PALM2AKAP2: variants seen among roughly 807,000 people sequenced by gnomAD.
PALM2AKAP2 encodes PALM2-AKAP2 fusion protein.
Under a neutral mutation model 71.5 loss-of-function variants are expected in PALM2AKAP2, and 37 were observed. The ratio of observed to expected loss-of-function variants is 0.52; its 90% CI spans 0.40 to 0.68. PALM2AKAP2 has a LOEUF of 0.68. Ranked by LOEUF, PALM2AKAP2 falls within the 30% of genes least tolerant of loss-of-function variation. The pLI is 0.00. For missense variants in PALM2AKAP2, 1,224 were observed against 1,191.8 expected (o/e 1.03, Z -0.40); for synonymous variants, 468 against 478.8 (o/e 0.98, Z 0.29).
In PALM2AKAP2 at chr9:109,998,529, C is replaced by T. The variant is rs188749093; in HGVS notation, c.497-17425C>T. On this transcript the variant is annotated intron_variant, in intron 6 of 9. Transcript: ENST00000302798. ...CGTGGAGGGCGCCTCACCATGTCCTCTCCATAAGCCAGGCTACATAGGTCA... is the reference window on the plus strand; with the variant it reads ...CGTGGAGGGCGCCTCACCATGTCCTTTCCATAAGCCAGGCTACATAGGTCA... 2.2e-3 allele frequency among the ~76,000 whole-genome samples: 327 copies of T among 151,534 alleles called. 1 individual carries two copies. The highest frequency in any genetic ancestry group is 2.7e-3 in the Non-Finnish European group (185 of 67,972).
chr9:110,114,359 G>A (rs1170603748), intron 1 of PALM2AKAP2, among the ~76,000 whole-genome samples: 1 of 152,108 alleles, frequency 6.6e-6, no homozygotes, highest in Non-Finnish European at 1.5e-5. Context: ...TGGATTTGGG[G>A]CCCACTCTCA....
At chr9:109,968,626 C>A (rs1357599465) in intron 6 of PALM2AKAP2, among the ~76,000 whole-genome samples, 1 of 152,152 alleles carries the variant, frequency 6.6e-6, no homozygotes, top group Non-Finnish European at 1.5e-5. Flanking sequence ...TTTGTGTTAG[C>A]CTTCAGCATC....
chr9:110,024,933 T>C (rs1292189096), intron 7 of PALM2AKAP2: 8 of 1,379,036 alleles, frequency 5.8e-6, no homozygotes, highest in African/African-American at 2.9e-5. Flanking sequence ...CTCCTTCCCA[T>C]TGGTTCTCAC....
chr9:109,732,614 A>G (rs1436885551), intron 1 of PALM2AKAP2, among the ~76,000 whole-genome samples: 4 of 152,232 alleles, frequency 2.6e-5, no homozygotes, highest in African/African-American at 4.8e-5. Context: ...TGAACAAGGC[A>G]GACAAAGACC....
chr9:109,651,792 T>C (rs1827228559), intron 1 of PALM2AKAP2, among the ~76,000 whole-genome samples: 1 of 152,204 alleles, frequency 6.6e-6, no homozygotes, highest in African/African-American at 2.4e-5. Flanking sequence ...ATATAACTTA[T>C]AATAAAAATT....
At chr9:109,661,444 T>C (rs1827394447) in intron 1 of PALM2AKAP2, among the ~76,000 whole-genome samples, 1 of 152,232 alleles carries the variant, frequency 6.6e-6, no homozygotes, top group African/African-American at 2.4e-5. Context: ...TGCTTGTTTT[T>C]GTCAGGTTTG....
chr9:110,116,238 G>C (rs942299315), intron 1 of PALM2AKAP2, among the ~76,000 whole-genome samples: 1 of 152,176 alleles, frequency 6.6e-6, no homozygotes, highest in Non-Finnish European at 1.5e-5. Flanking sequence ...ATTAATAAGA[G>C]ATATGGTGCT....
intron 1 of PALM2AKAP2, among the ~76,000 whole-genome samples, chr9:110,129,368 C>T (rs1588125144): frequency 6.6e-6 from 1 of 152,332 alleles, no homozygotes; most frequent in East Asian, 1.9e-4. Context: ...CTTACCATTT[C>T]CCATGTCATT....
At chr9:109,696,892 A>G (rs952993167) in intron 1 of PALM2AKAP2, among the ~76,000 whole-genome samples, 19 of 152,302 alleles carry the variant, frequency 1.2e-4, no homozygotes, top group African/African-American at 4.1e-4. Context: ...TCTATTGTAT[A>G]TTGTGGTACA....
At chr9:110,007,051 T>C (rs1332936432) in intron 6 of PALM2AKAP2, among the ~76,000 whole-genome samples, 1 of 152,134 alleles carries the variant, frequency 6.6e-6, no homozygotes, top group Non-Finnish European at 1.5e-5. Flanking sequence ...GGGTAGGGGG[T>C]GCTTTGGGGA....
At chr9:109,977,394 G>A (rs1434544995) in intron 6 of PALM2AKAP2, among the ~76,000 whole-genome samples, 1 of 152,178 alleles carries the variant, frequency 6.6e-6, no homozygotes, top group Non-Finnish European at 1.5e-5. Flanking sequence ...TTCTGTTCAT[G>A]TGGGCTTTAA....
chr9:109,813,757 C>G (rs548962869), intron 1 of PALM2AKAP2, among the ~76,000 whole-genome samples: 1 of 152,292 alleles, frequency 6.6e-6, no homozygotes, highest in Non-Finnish European at 1.5e-5. Context: ...AACTAAGAGC[C>G]TAACTCGTGT....
intron 1 of PALM2AKAP2, among the ~76,000 whole-genome samples, chr9:109,728,648 T>A (rs1828510204): frequency 6.6e-6 from 1 of 152,352 alleles, no homozygotes; most frequent in African/African-American, 2.4e-5. Flanking sequence ...AAACTTGTTT[T>A]ATTTAATGTT....
intron 1 of PALM2AKAP2, among the ~76,000 whole-genome samples, chr9:110,099,781 A>G (rs1176197065): frequency 6.6e-6 from 1 of 152,010 alleles, no homozygotes. Context: ...TAATAATCAT[A>G]GTCAGTTTGC....
intron 1 of PALM2AKAP2, among the ~76,000 whole-genome samples, chr9:109,673,470 G>A (rs893782566): frequency 5.9e-5 from 9 of 152,072 alleles, no homozygotes; most frequent in Non-Finnish European, 1.2e-4. Context: ...CTGAGAGACT[G>A]TTACGATTTC....
chr9:109,801,275 T>C (rs561276483), intron 1 of PALM2AKAP2, among the ~76,000 whole-genome samples: 1 of 152,110 alleles, frequency 6.6e-6, no homozygotes, highest in Admixed American at 6.5e-5. Context: ...GGGATAGTGG[T>C]GAAGGGAGAA....
At chr9:110,068,858 T>C (rs1300488675) in intron 1 of PALM2AKAP2, among the ~76,000 whole-genome samples, 1 of 152,152 alleles carries the variant, frequency 6.6e-6, no homozygotes, top group Admixed American at 6.6e-5. Flanking sequence ...AGAGAACTTC[T>C]TTCTTGGTTT....
chr9:109,692,126 T>A (rs190637487), intron 1 of PALM2AKAP2, among the ~76,000 whole-genome samples: 1 of 151,022 alleles, frequency 6.6e-6, no homozygotes, highest in Non-Finnish European at 1.5e-5. Context: ...ATAAAATTTA[T>A]CCCTGTAAAG....
chr9:110,155,196 T>C (rs1836416903), intron 2 of PALM2AKAP2, among the ~76,000 whole-genome samples: 2 of 152,272 alleles, frequency 1.3e-5, no homozygotes, highest in Admixed American at 6.5e-5. Context: ...GGATGTAAGA[T>C]GAAGAAAGGT....
Sources: allele counts gnomAD v4.1 joint callset (sites outside exome capture counted in the v4.1 genomes callset), GRCh38; gene constraint gnomAD v4.1.1; transcripts MANE v1.5; gene names NCBI Gene and HGNC (gene_info 2026-07-23, HGNC 2026-07-21).